The following PRKCH variants were observed in gnomAD, a reference collection of about 807,000 sequenced individuals.
PRKCH encodes the protein protein kinase C eta type.
A neutral mutation model predicts 82.5 loss-of-function variants in PRKCH; 28 were observed. That is an observed-to-expected ratio of 0.34 (90% confidence interval 0.25 to 0.47). PRKCH has a LOEUF of 0.47. PRKCH is among the 20% of genes least tolerant of loss of function. The pLI is 1.00. For synonymous variants in PRKCH, 322 were observed against 327.4 expected, an observed-to-expected ratio of 0.98 and a Z score of 0.18; for missense variants, 705 against 881.8, an observed-to-expected ratio of 0.80 and a Z score of 2.54.
chr14:61,280,958 C>T lies in PRKCH; in HGVS notation c.-19+93290C>T. 1 of 1,543,236 alleles carries T rather than the reference C, an allele frequency of 6.5e-7. No homozygotes were observed. Reference sequence around the variant, plus strand: ...CCCGGGTCGCCTGTATAGTCGTACTCCAGCTCCTTGATGCCGTTGGAGGAG... The same window carrying T: ...CCCGGGTCGCCTGTATAGTCGTACTTCAGCTCCTTGATGCCGTTGGAGGAG... On this transcript the variant is annotated intron_variant, in intron 1 of 3. Transcript: ENST00000555185. The surrounding 1 kb of genome is among the most constrained non-coding windows in gnomAD (Gnocchi z 5.0).
intron 2 of PRKCH, among the ~76,000 whole-genome samples, chr14:61,419,050 G>A (rs1383780572): frequency 6.6e-6 from 1 of 152,156 alleles, no homozygotes; most frequent in Non-Finnish European, 1.5e-5. Context: ...CTGCCGTTAT[G>A]TCCTACTAGG....
At chr14:61,339,709 TCTCA>T (rs2045907906) in intron 1 of PRKCH, among the ~76,000 whole-genome samples, 1 of 137,666 alleles carries the variant, frequency 7.3e-6, no homozygotes, top group Admixed American at 7.3e-5. Flanking sequence ...CCAGCCTGGG[TCTCA>T]CTCTGTCATC....
intron 1 of PRKCH, among the ~76,000 whole-genome samples, chr14:61,340,372 A>C: frequency 3.8e-4 from 1 of 2,622 alleles, no homozygotes; most frequent in Non-Finnish European, 7.6e-4. Context: ...CCCAGGTGGG[A>C]GGGGGCGGGG....
intron 1 of PRKCH, among the ~76,000 whole-genome samples, chr14:61,261,460 A>G (rs1008162019): frequency 9.9e-5 from 15 of 152,224 alleles, no homozygotes; most frequent in African/African-American, 2.7e-4. Flanking sequence ...AAGATTATTC[A>G]GTGTGGCTGC....
chr14:61,440,592 A>C (rs1466769179), intron 2 of PRKCH, among the ~76,000 whole-genome samples: 1 of 152,196 alleles, frequency 6.6e-6, no homozygotes, highest in Non-Finnish European at 1.5e-5. Flanking sequence ...ATTATTATTG[A>C]AAGCCAGGCA....
chr14:61,491,072 C>G lies in PRKCH; in HGVS notation c.1433+5416C>G, dbSNP rs575573405. Reference sequence around the variant, plus strand: ...CTGATTCCCACCTCCTAGGACCTCTCTTACTCCTCAGTATTTCTTATCAGC... The same window carrying G: ...CTGATTCCCACCTCCTAGGACCTCTGTTACTCCTCAGTATTTCTTATCAGC... On this transcript the variant is annotated intron_variant, in intron 10 of 13. Transcript: ENST00000332981. Among the ~76,000 whole-genome samples, 4 of 152,298 alleles carry G rather than the reference C, an allele frequency of 2.6e-5. No individual in the cohort carries two copies. In the East Asian group the frequency reaches 7.7e-4, roughly 29 times the overall value.
At chr14:61,404,140 A>G (rs1012767376) in intron 2 of PRKCH, among the ~76,000 whole-genome samples, 4 of 152,120 alleles carry the variant, frequency 2.6e-5, no homozygotes, top group African/African-American at 9.7e-5. Context: ...CTTCCCTTCT[A>G]CCGTGAAACT....
chr14:61,329,234 CTTTTTTTTT>C (rs71117812), intron 1 of PRKCH, among the ~76,000 whole-genome samples: 1 of 63,462 alleles, frequency 1.6e-5, no homozygotes, highest in African/African-American at 6.8e-5. Flanking sequence ...ACTCCTGAGT[CTTTTTTTTT>C]TTTTTTTTTT....
chr14:61,520,390 T>G (rs1174761534), intron 10 of PRKCH, among the ~76,000 whole-genome samples: 3 of 152,166 alleles, frequency 2.0e-5, no homozygotes, highest in Non-Finnish European at 4.4e-5. Flanking sequence ...CACTTAGAAT[T>G]GTATGAGCCT....
At position 61,520,953 on chromosome 14, in the gene PRKCH, G is replaced by A. The variant is rs1404571008; in HGVS notation, c.1434-8122G>A. Among the ~76,000 whole-genome samples, 5 of 152,138 alleles carry A rather than the reference G, an allele frequency of 3.3e-5. No individual in the cohort carries two copies. The East Asian group carries it at 9.6e-4, about 29-fold the overall frequency. The stretch of plus-strand genomic sequence containing the variant: ...CATGTTCATTACTCCATTGTTTGAA[G>A]TTGCAAAAAATTTAAAACAACCCAA... On this transcript the variant is annotated intron_variant, in intron 10 of 13. Coordinates refer to ENST00000332981, the MANE Select transcript of PRKCH (RefSeq NM_006255.5).
intron 1 of PRKCH, among the ~76,000 whole-genome samples, chr14:61,232,680 C>A (rs2044753830): frequency 6.6e-6 from 1 of 152,300 alleles, no homozygotes; most frequent in East Asian, 1.9e-4. Flanking sequence ...GCTCCCCCTC[C>A]CCAACCCAGT....
rs143107421 is a variant in PRKCH at position 61,441,894 on chromosome 14, C to G, written c.428-1217C>G. Among the ~76,000 whole-genome samples the G allele has an allele frequency of 4.3e-4, 65 of 152,168 alleles. No homozygotes were observed. The East Asian group carries it at 0.012, about 29-fold the overall frequency. ...TGAACTCCTGGACTCAAGCAGTCCT[C>G]CTGCCTCAGCCTCCCAAAGTGTTGG... On this transcript the variant is annotated intron_variant, in intron 2 of 13. Coordinates refer to ENST00000332981, the MANE Select transcript of PRKCH (RefSeq NM_006255.5).
chr14:61,246,827 A>T (rs906590317), intron 1 of PRKCH, among the ~76,000 whole-genome samples: 1 of 152,086 alleles, frequency 6.6e-6, no homozygotes, highest in East Asian at 1.9e-4. Flanking sequence ...GGCTCAAGCA[A>T]TCCTCCCACC....
intron 2 of PRKCH, among the ~76,000 whole-genome samples, chr14:61,429,629 T>A (rs555370522): frequency 9.2e-5 from 14 of 152,182 alleles, no homozygotes; most frequent in African/African-American, 3.4e-4. Flanking sequence ...TAAAATCAAA[T>A]CTGTTTCAAT....
chr14:61,280,196 C>T lies in PRKCH; in HGVS notation c.-19+92528C>T, dbSNP rs1383824421. ...GAGCCGACGACCAGGTAGGCGATGCCCAGGAAGGGGTTCTTGCCACCCATC... is the reference window on the plus strand; with the variant it reads ...GAGCCGACGACCAGGTAGGCGATGCTCAGGAAGGGGTTCTTGCCACCCATC... On this transcript the variant is annotated intron_variant, in intron 1 of 3. Coordinates refer to the PRKCH transcript ENST00000555185. This position sits in a 1 kb window ranked among gnomAD's most constrained non-coding sequence, Gnocchi z 5.0. The T allele has an allele frequency of 6.2e-7, 1 of 1,613,508 alleles. No individual in the cohort carries two copies. The highest frequency in any genetic ancestry group is 8.5e-7 in the Non-Finnish European group (1 of 1,179,672).
At chr14:61,198,167 A>T (rs8004817) in intron 1 of PRKCH, among the ~76,000 whole-genome samples, 5,299 of 75,340 alleles carry the variant, frequency 0.07, 266 homozygotes, top group African/African-American at 0.23. Context: ...CATGTATTTA[A>T]GTGTATTTAA....
At chr14:61,396,204 G>A (rs980235076) in intron 2 of PRKCH, among the ~76,000 whole-genome samples, 1 of 151,520 alleles carries the variant, frequency 6.6e-6, no homozygotes, top group Admixed American at 6.6e-5. Flanking sequence ...TCTCCTATGC[G>A]GGTTCTGCCA....
chr14:61,301,809 C>A lies in PRKCH; in HGVS notation c.-19+114141C>A, dbSNP rs537244630. 4.6e-5 allele frequency among the ~76,000 whole-genome samples: 7 copies of A among 152,280 alleles called. No homozygotes were observed. In the South Asian group the frequency reaches 1.2e-3, roughly 27 times the overall value. On this transcript the variant is annotated intron_variant, in intron 1 of 3. Coordinates refer to the PRKCH transcript ENST00000555185. ...TGAGCTGTGATTGCACCATTGCATT[C>A]CAGCCTTGGTGACAGAATGAGATCC...
chr14:61,463,274 C>T (rs538916883), intron 9 of PRKCH: 1 of 152,316 alleles, frequency 6.6e-6, no homozygotes, highest in African/African-American at 2.4e-5. Context: ...TGACCCCCTC[C>T]ATCCTCACAC....
Sources: allele counts gnomAD v4.1 joint callset (sites outside exome capture counted in the v4.1 genomes callset), GRCh38; gene constraint gnomAD v4.1.1; non-coding constraint Gnocchi (gnomAD v3.1); transcripts MANE v1.5; gene names NCBI Gene and HGNC (gene_info 2026-07-23, HGNC 2026-07-21).